LTBP1: variants seen among roughly 807,000 people sequenced by gnomAD.
The protein encoded by LTBP1 is latent transforming growth factor beta binding protein 1.
LTBP1 carries 129 observed loss-of-function variants against 207.6 expected under a neutral mutation model. The observed-to-expected ratio is 0.62, with a 90% CI of 0.54 to 0.72. The LOEUF (loss-of-function observed/expected upper bound fraction) is 0.72, where lower values mean the gene tolerates loss of function less well. Among genes scored for constraint, LTBP1 ranks in the 30% least tolerant of loss-of-function variants. The probability of loss-of-function intolerance (pLI) is 0.00; values close to 1 mark genes in which losing one functional copy is unlikely to be tolerated. For synonymous variants in LTBP1, 963 were observed against 833.7 expected, an observed-to-expected ratio of 1.16 and a Z score of -2.67; for missense variants, 2,281 against 2,217.2, an observed-to-expected ratio of 1.03 and a Z score of -0.58.
At chr2:33,064,021 T>A (rs1007221630) in intron 3 of LTBP1, among the ~76,000 whole-genome samples, 9 of 152,068 alleles carry the variant, frequency 5.9e-5, no homozygotes, top group African/African-American at 1.9e-4. Context: ...GCCTGGCTAA[T>A]TTTTGTAATT....
At chr2:33,067,762 T>C (rs1460745637) in intron 3 of LTBP1, among the ~76,000 whole-genome samples, 1 of 152,112 alleles carries the variant, frequency 6.6e-6, no homozygotes, top group Non-Finnish European at 1.5e-5. Flanking sequence ...ATATCCACAG[T>C]TTTTGGAATC....
chr2:33,187,186 G>T (rs1011852761), intron 6 of LTBP1, 106 bp downstream of exon 6: 11 of 891,950 alleles, frequency 1.2e-5, no homozygotes, highest in Non-Finnish European at 1.4e-5. Flanking sequence ...GAAACAGAAA[G>T]GAGTACATGA....
At chr2:33,103,585 A>ATGTG (rs1558640670) in intron 3 of LTBP1, among the ~76,000 whole-genome samples, 6 of 77,214 alleles carry the variant, frequency 7.8e-5, no homozygotes, top group Non-Finnish European at 1.5e-4. Context: ...GTCTCCGTTT[A>ATGTG]CGTGTGTGTG....
chr2:33,268,353 T>C (rs777771669), intron 15 of LTBP1, among the ~76,000 whole-genome samples: 1 of 152,222 alleles, frequency 6.6e-6, no homozygotes, highest in African/African-American at 2.4e-5. Flanking sequence ...GTTTCTCCCA[T>C]GATTGAAGAC....
chr2:33,191,542 T>C (rs2087878415), intron 7 of LTBP1, among the ~76,000 whole-genome samples: 1 of 152,226 alleles, frequency 6.6e-6, no homozygotes, highest in Admixed American at 6.5e-5. Flanking sequence ...AATTAATTTG[T>C]GCAATTAGGG....
At chr2:33,030,270 A>T (rs1451731812) in intron 3 of LTBP1, among the ~76,000 whole-genome samples, 2 of 152,136 alleles carry the variant, frequency 1.3e-5, no homozygotes, top group African/African-American at 4.8e-5. Flanking sequence ...TGACATTAGG[A>T]TGCACTTCAC....
At chr2:33,280,365 A>G (rs988707188) in intron 19 of LTBP1, among the ~76,000 whole-genome samples, 1 of 152,244 alleles carries the variant, frequency 6.6e-6, no homozygotes, top group African/African-American at 2.4e-5. Context: ...GATGGGGAAA[A>G]TAATTAGGAT....
At chr2:33,168,721 T>A (rs1485347772) in intron 5 of LTBP1, among the ~76,000 whole-genome samples, 3 of 152,144 alleles carry the variant, frequency 2.0e-5, no homozygotes, top group African/African-American at 7.2e-5. Context: ...TTTTCCTGCC[T>A]AAGGGTTTTC....
intron 32 of LTBP1, among the ~76,000 whole-genome samples, chr2:33,393,234 C>CTTTTTTTTTT (rs569734292): frequency 2.1e-3 from 104 of 48,630 alleles, no homozygotes; most frequent in Non-Finnish European, 3.0e-3. Flanking sequence ...CCTTCTTCTT[C>CTTTTTTTTTT]TTTTTTTTTT....
At chr2:33,148,432 T>C (rs187940029) in intron 5 of LTBP1, among the ~76,000 whole-genome samples, 1 of 152,342 alleles carries the variant, frequency 6.6e-6, no homozygotes, top group East Asian at 1.9e-4. Flanking sequence ...ATGAACATGA[T>C]ACTTGAGAGT....
rs569029644 is a variant in LTBP1 at position 33,360,662 on chromosome 2, G to T, written c.4066G>T (p.Ala1356Ser). 2.5e-6 allele frequency: 4 copies of T among 1,613,378 alleles called. No homozygotes were observed. Among genetic ancestry groups the T allele is most frequent in the Middle Eastern group, 1.6e-4 (1 of 6,082 alleles). Residue 1356 changes from alanine to serine, a missense_variant, in exon 27 of 34, where the codon GCC becomes TCC. Ala to Ser is a moderately conservative substitution (Grantham distance 99). Coordinates refer to ENST00000404816, the MANE Select transcript of LTBP1 (RefSeq NM_206943.4). ...KKECYYNLND[A>S]SLCDNVLAPN... ...AGAATGCTACTATAATCTCAATGAC[G>T]CCAGTCTCTGTGATAATGTGTTGGC...
intron 24 of LTBP1, among the ~76,000 whole-genome samples, chr2:33,341,729 A>AAATATATATATATATATATATAT (rs745445793): frequency 7.5e-5 from 7 of 93,618 alleles, no homozygotes; most frequent in African/African-American, 3.6e-4. Context: ...AAAAAAAAAA[A>AAATATATATATATATATATATAT]ATATATATAT....
chr2:33,352,355 C>T (rs779761436), intron 26 of LTBP1, among the ~76,000 whole-genome samples: 41 of 152,148 alleles, frequency 2.7e-4, no homozygotes, highest in Non-Finnish European at 4.3e-4. Context: ...TGATCTCGAA[C>T]TCCTGACCTT....
At chr2:33,062,796 T>G (rs181459052) in intron 3 of LTBP1, among the ~76,000 whole-genome samples, 33 of 152,356 alleles carry the variant, frequency 2.2e-4, no homozygotes, top group African/African-American at 7.7e-4. Context: ...CCAAGATAGC[T>G]ACTAAGTGAC....
intron 4 of LTBP1, among the ~76,000 whole-genome samples, chr2:33,130,570 G>A (rs528278190): frequency 6.6e-6 from 1 of 152,104 alleles, no homozygotes; most frequent in Non-Finnish European, 1.5e-5. Context: ...TAACAACCCC[G>A]AAGCAGAAAT....
chr2:33,262,681 C>CT (rs199830072), intron 13 of LTBP1, 41 bp from the exon 14 acceptor site: 13,552 of 945,468 alleles, frequency 0.014, 38 homozygotes, highest in South Asian at 0.049. Context: ...ACTTTCAATT[C>CT]TTTTTTTTTT....
intron 3 of LTBP1, among the ~76,000 whole-genome samples, chr2:33,063,853 C>CTTTTTTTT (rs58115868): frequency 6.8e-6 from 1 of 147,580 alleles, no homozygotes; most frequent in African/African-American, 2.5e-5. Context: ...ATTGTATATT[C>CTTTTTTTT]TTTTTTTTTT....
intron 23 of LTBP1, among the ~76,000 whole-genome samples, chr2:33,309,767 AGAG>A (rs2094153993): frequency 6.6e-6 from 1 of 152,352 alleles, no homozygotes; most frequent in Non-Finnish European, 1.5e-5. Flanking sequence ...CACACGAGTA[AGAG>A]CTGTGTCCTC....
intron 4 of LTBP1, among the ~76,000 whole-genome samples, chr2:33,133,091 A>G (rs942367602): frequency 6.6e-6 from 1 of 152,170 alleles, no homozygotes; most frequent in Non-Finnish European, 1.5e-5. Flanking sequence ...TGATACGTGG[A>G]ATGCAAACAG....
Sources: gnomAD v4.1 joint callset for allele counts (sites outside exome capture counted in the v4.1 genomes callset) on GRCh38, gnomAD v4.1.1 for gene constraint, MANE v1.5 for transcripts, NCBI Gene and HGNC (gene_info 2026-07-23, HGNC 2026-07-21) for gene names.